PON3: variants seen among roughly 807,000 people sequenced by gnomAD.
PON3 encodes the protein paraoxonase 3.
Under a neutral mutation model 36.3 loss-of-function variants are expected in PON3, and 37 were observed. The observed-to-expected ratio is 1.02, with a 90% CI of 0.78 to 1.34. PON3 has a LOEUF of 1.34. Ranked by LOEUF, PON3 falls within the 40% of genes most tolerant of loss-of-function variation. The pLI is 0.00. For missense variants in PON3, 415 were observed against 426.5 expected (o/e 0.97, Z 0.24); for synonymous variants, 155 against 154.8 (o/e 1.00, Z -0.01).
At chr7:95,377,114 G>A (rs866137559) in intron 3 of PON3, among the ~76,000 whole-genome samples, 7 of 152,334 alleles carry the variant, frequency 4.6e-5, no homozygotes, top group East Asian at 1.9e-4. Context: ...CTGGCTCGGC[G>A]GGTTCTACGC....
chr7:95,367,411 G>A lies in PON3; in HGVS notation c.445C>T (p.Gln149Ter). 2 of 1,613,170 alleles carry A rather than the reference G, an allele frequency of 1.2e-6. No individual in the cohort carries two copies. The highest frequency in any genetic ancestry group is 1.3e-5 in the African/African-American group (1 of 74,994). ...GTTTTCAGGTATACCAGAGAACGTT[G>A]TTGTTCCTCAAATTTAAATATCTCC... Reference protein sequence around the residue: ...TVEIFKFEEQQRSLVYLKTIK... With the variant: ...TVEIFKFEEQ The change falls in exon 5 of 9, where the codon CAA becomes TAA. Residue 149 changes from glutamine (Q) to a stop codon, truncating the protein, a stop_gained. Coordinates refer to ENST00000265627, the MANE Select transcript of PON3 (RefSeq NM_000940.3). LOFTEE classifies it high-confidence loss of function.
rs1289270172 is a variant in PON3, at chr7:95,379,672, G to T, written c.202-7334C>A. Among the ~76,000 whole-genome samples the T allele has an allele frequency of 4.6e-5, 7 of 152,354 alleles. No homozygotes were observed. In the East Asian group the frequency reaches 1.4e-3, roughly 29 times the overall value. Reference sequence around the variant, plus strand: ...GGCTGGGGGAGGGGCGCCCGCCATTGCTGAGGCTTGAGTAGGTAAACAAAG... The same window carrying T: ...GGCTGGGGGAGGGGCGCCCGCCATTTCTGAGGCTTGAGTAGGTAAACAAAG... On this transcript the variant is annotated intron_variant, in intron 3 of 8. Coordinates refer to ENST00000265627, the MANE Select transcript of PON3 (RefSeq NM_000940.3).
At chr7:95,368,067 T>C (rs1808736249) in intron 4 of PON3, among the ~76,000 whole-genome samples, 1 of 152,172 alleles carries the variant, frequency 6.6e-6, no homozygotes, top group Admixed American at 6.6e-5. Context: ...ACAAACTAAC[T>C]AATTCTAGGT....
At chr7:95,367,222 T>C (rs576986483) in intron 5 of PON3, 140 bp downstream of exon 5, 12 of 1,029,190 alleles carry the variant, frequency 1.2e-5, no homozygotes, top group Non-Finnish European at 1.7e-5. Flanking sequence ...AGAGTCACCA[T>C]GGGAATCATT....
intron 3 of PON3, among the ~76,000 whole-genome samples, chr7:95,384,101 G>T (rs949296190): frequency 2.0e-5 from 3 of 152,114 alleles, no homozygotes; most frequent in Non-Finnish European, 2.9e-5. Context: ...CAAGAAATGG[G>T]GAAAGGATTC....
chr7:95,364,394 T>A, intron 5 of PON3: 1 of 364,058 alleles, frequency 2.7e-6, no homozygotes, highest in Non-Finnish European at 5.2e-6. Context: ...AGTTCACTGA[T>A]AGCTATGGTT....
intron 5 of PON3, chr7:95,364,308 T>C: frequency 1.9e-6 from 1 of 538,476 alleles, no homozygotes; most frequent in Admixed American, 3.1e-5. Context: ...AGAAATAAAT[T>C]CACAAATAAA....
At chr7:95,388,840 C>G (rs1444914915) in intron 3 of PON3, among the ~76,000 whole-genome samples, 1 of 152,072 alleles carries the variant, frequency 6.6e-6, no homozygotes, top group Non-Finnish European at 1.5e-5. Flanking sequence ...ATCACAAGGA[C>G]AGAAAACCAG....
chr7:95,384,819 G>A (rs184424984), intron 3 of PON3, among the ~76,000 whole-genome samples: 255 of 152,272 alleles, frequency 1.7e-3, no homozygotes, highest in Middle Eastern at 0.01. Flanking sequence ...ACTAGAACTA[G>A]AAATACCATT....
intron 3 of PON3, among the ~76,000 whole-genome samples, chr7:95,381,607 G>A (rs1277485671): frequency 6.6e-6 from 1 of 152,060 alleles, no homozygotes; most frequent in Admixed American, 6.6e-5. Flanking sequence ...AGACAAAGAA[G>A]GCCATTAAAC....
At chr7:95,383,363 C>T (rs1001754491) in intron 3 of PON3, among the ~76,000 whole-genome samples, 9 of 152,140 alleles carry the variant, frequency 5.9e-5, no homozygotes, top group African/African-American at 1.9e-4. Flanking sequence ...GGCAATCAGG[C>T]AGGAGAAAGA....
chr7:95,367,571 C>G lies in PON3; in HGVS notation c.368-83G>C. 2.0e-6 allele frequency: 3 copies of G among 1,490,998 alleles called. No individual in the cohort carries two copies. The Admixed American group carries it at 5.1e-5, about 25-fold the overall frequency. 92.4% of individuals were successfully genotyped at this position (1,490,998 alleles called of 1,614,324 possible). A position where few individuals can be genotyped will look rare whatever the true frequency, so the allele number is the denominator to read the frequency against. ...GACTTGTTTTAAAACTTGGTCACTTCCAAAAGTTTTCTTCTTACATCTTGC... is the reference window on the plus strand; with the variant it reads ...GACTTGTTTTAAAACTTGGTCACTTGCAAAAGTTTTCTTCTTACATCTTGC... On this transcript the variant is annotated intron_variant, in intron 4 of 8. Coordinates refer to ENST00000265627, the MANE Select transcript of PON3 (RefSeq NM_000940.3).
intron 3 of PON3, among the ~76,000 whole-genome samples, 180 bp from the exon 4 acceptor site, chr7:95,372,518 T>C (rs1808831513): frequency 6.6e-6 from 1 of 152,154 alleles, no homozygotes; most frequent in Admixed American, 6.5e-5. Context: ...ACTGATGTCA[T>C]CTAAACATTG....
chr7:95,362,071 C>G, intron 8 of PON3, among the ~76,000 whole-genome samples: 1 of 152,138 alleles, frequency 6.6e-6, no homozygotes, highest in East Asian at 1.9e-4. Context: ...CCTACCTGCT[C>G]AGAGACTATC....
intron 3 of PON3, chr7:95,377,385 C>A: frequency 5.4e-6 from 1 of 186,592 alleles, no homozygotes; most frequent in South Asian, 7.2e-5. Context: ...CAGACCTAAA[C>A]GTCCCTGTCT....
chr7:95,396,306 G>A lies in PON3; in HGVS notation c.45C>T (p.Ser15=), dbSNP rs1468241220. The A allele has an allele frequency of 1.9e-6, 3 of 1,614,022 alleles. No homozygotes were observed. The highest frequency in any genetic ancestry group is 1.3e-5 in the African/African-American group (1 of 75,026). The change falls in exon 1 of 9, where the codon TCC becomes TCT. Residue 15 remains serine (S), a synonymous_variant. Coordinates refer to ENST00000265627, the MANE Select transcript of PON3 (RefSeq NM_000940.3). ...VALVLLGVGL[S]LVGEMFLAFR... is the part of the protein sequence containing the mutation. ...ACGCCAGGAACATCTCCCCGACTAA[G>A]GACAGGCCGACCCCCAGCAGGACCA...
chr7:95,378,045 G>A (rs1042142612), intron 3 of PON3, among the ~76,000 whole-genome samples: 2 of 152,160 alleles, frequency 1.3e-5, no homozygotes, highest in African/African-American at 4.8e-5. Flanking sequence ...AGAATAAGCA[G>A]TGTAGAGAAG....
chr7:95,373,352 A>G (rs1808850163), intron 3 of PON3, among the ~76,000 whole-genome samples: 1 of 152,072 alleles, frequency 6.6e-6, no homozygotes, highest in South Asian at 2.1e-4. Flanking sequence ...TTTTCTGAAC[A>G]ACCCCAGCTA....
At chr7:95,386,337 G>C (rs1005134692) in intron 3 of PON3, among the ~76,000 whole-genome samples, 2 of 152,142 alleles carry the variant, frequency 1.3e-5, no homozygotes, top group Admixed American at 1.3e-4. Flanking sequence ...ACTACCATCA[G>C]AGAATACTAA....
Sources: allele counts gnomAD v4.1 joint callset (sites outside exome capture counted in the v4.1 genomes callset), GRCh38; gene constraint gnomAD v4.1.1; transcripts MANE v1.5; gene names NCBI Gene and HGNC (gene_info 2026-07-23, HGNC 2026-07-21).